Variants in PDE1C observed in about 807,000 individuals in gnomAD.
PDE1C encodes the protein phosphodiesterase 1C, also known as dual specificity calcium/calmodulin-dependent 3',5'-cyclic nucleotide phosphodiesterase 1C.
Under a neutral mutation model 93.1 loss-of-function variants are expected in PDE1C, and 62 were observed. That is an observed-to-expected ratio of 0.67 (90% CI 0.54 to 0.82). The LOEUF (loss-of-function observed/expected upper bound fraction) is 0.82. Ranked by LOEUF, PDE1C falls within the 40% of genes least tolerant of loss-of-function variation. The pLI is 0.00. For synonymous variants in PDE1C, 325 were observed against 310.1 expected (o/e 1.05, Z -0.50); for missense variants, 742 against 884.6 (o/e 0.84, Z 2.04).
chr7:32,313,146 T>C (rs1221576789), intron 1 of PDE1C, among the ~76,000 whole-genome samples: 1 of 151,956 alleles, frequency 6.6e-6, no homozygotes, highest in African/African-American at 2.4e-5. Context: ...AAAAAACACA[T>C]GAAAAAATGC....
At chr7:31,682,306 T>C in the PDE1C span, among the ~76,000 whole-genome samples, 1 of 151,980 alleles carries the variant, frequency 6.6e-6, no homozygotes, top group African/African-American at 2.4e-5. Flanking sequence ...TTATAGAAAA[T>C]GGGCAAATGG....
At chr7:31,841,881 A>T (rs566312178) in intron 9 of PDE1C, among the ~76,000 whole-genome samples, 1 of 152,266 alleles carries the variant, frequency 6.6e-6, no homozygotes, top group South Asian at 2.1e-4. Context: ...GAAGGCTGAC[A>T]GCTCAAGACC....
intron 1 of PDE1C, among the ~76,000 whole-genome samples, chr7:32,334,190 C>T (rs887754139): frequency 2.0e-5 from 3 of 152,086 alleles, no homozygotes; most frequent in African/African-American, 7.2e-5. Flanking sequence ...TCACCATTGA[C>T]AATACATAAT....
the PDE1C span, chr7:31,652,128 T>C: frequency 6.7e-5 from 71 of 1,052,816 alleles, no homozygotes; most frequent in East Asian, 3.4e-4. Flanking sequence ...AACTTGATTG[T>C]GCAATCATTT....
At chr7:31,653,277 G>A in the PDE1C span, 500 of 166,836 alleles carry the variant, frequency 3.0e-3, 2 homozygotes, top group Middle Eastern at 0.02. Context: ...GGGGAAAGAG[G>A]TGTGGGTACA....
At chr7:32,156,484 GT>G (rs1485869342) in intron 3 of PDE1C, among the ~76,000 whole-genome samples, 1 of 152,190 alleles carries the variant, frequency 6.6e-6, no homozygotes, top group Admixed American at 6.5e-5. Flanking sequence ...CTAAGTCGAA[GT>G]TCATTTCTAC....
At chr7:32,020,893 A>T (rs369147484) in intron 2 of PDE1C, among the ~76,000 whole-genome samples, 1 of 152,156 alleles carries the variant, frequency 6.6e-6, no homozygotes, top group African/African-American at 2.4e-5. Flanking sequence ...CTAGACCCTC[A>T]GTCTGGTAAC....
chr7:31,746,476 A>G (rs901186242), downstream of PDE1C, among the ~76,000 whole-genome samples: 5 of 152,214 alleles, frequency 3.3e-5, no homozygotes, highest in Non-Finnish European at 5.9e-5. Flanking sequence ...GTGCAGGTAC[A>G]GGACTGAGAG....
At chr7:32,229,207 C>T (rs1277114116) in intron 1 of PDE1C, among the ~76,000 whole-genome samples, 1 of 152,210 alleles carries the variant, frequency 6.6e-6, no homozygotes, top group Non-Finnish European at 1.5e-5. Context: ...CTCACCACGA[C>T]CCTGTGAGGT....
chr7:31,960,010 C>T (rs186313614), intron 2 of PDE1C, among the ~76,000 whole-genome samples: 32 of 147,558 alleles, frequency 2.2e-4, no homozygotes, highest in African/African-American at 7.7e-4. Flanking sequence ...GGATTACAAG[C>T]GCCCACCATC....
intron 2 of PDE1C, among the ~76,000 whole-genome samples, chr7:32,049,348 A>G (rs181374126): frequency 1.9e-4 from 29 of 152,232 alleles, no homozygotes; most frequent in African/African-American, 6.3e-4. Flanking sequence ...AAATTATAAT[A>G]CCACTCCCTT....
intron 1 of PDE1C, among the ~76,000 whole-genome samples, chr7:32,231,668 G>A (rs1471292122): frequency 2.0e-5 from 3 of 152,050 alleles, no homozygotes; most frequent in Non-Finnish European, 4.4e-5. Context: ...ACACTGAAAA[G>A]GACAACACAT....
chr7:31,652,779 C>T, the PDE1C span: 4 of 1,613,694 alleles, frequency 2.5e-6, no homozygotes, highest in Non-Finnish European at 3.4e-6. Context: ...AGGTCCAACC[C>T]CTTTGTCAAA....
intron 3 of PDE1C, among the ~76,000 whole-genome samples, chr7:32,092,164 T>TGAGAGAGAGAGAGA (rs3078655): frequency 6.7e-6 from 1 of 148,934 alleles, no homozygotes; most frequent in Non-Finnish European, 1.5e-5. Context: ...CTTTTGTTCA[T>TGAGAGAGAGAGAGA]GAGAGAGAGA....
chr7:32,241,899 A>G (rs567403782), intron 1 of PDE1C, among the ~76,000 whole-genome samples: 1 of 152,132 alleles, frequency 6.6e-6, no homozygotes, highest in Admixed American at 6.5e-5. Context: ...AGATGCAGGG[A>G]GGGTGGGAGA....
chr7:32,319,013 C>T (rs1226454550), intron 1 of PDE1C, among the ~76,000 whole-genome samples: 1 of 152,212 alleles, frequency 6.6e-6, no homozygotes, highest in Non-Finnish European at 1.5e-5. Context: ...TTGTCACGTC[C>T]GTGCTCCCTT....
Position 32,153,677 on chromosome 7 carries a change from G to A in PDE1C, c.308+16108C>T, listed in dbSNP as rs532201488. On this transcript the variant is annotated intron_variant, in intron 3 of 18. Coordinates refer to the PDE1C transcript ENST00000396193. Reference sequence around the variant, plus strand: ...GAAATAGAATGTCAATCAGAAATCTGAACAGGATAGAGCCCACGTAGTGTA... The same window carrying A: ...GAAATAGAATGTCAATCAGAAATCTAAACAGGATAGAGCCCACGTAGTGTA... Among the ~76,000 whole-genome samples the A allele has an allele frequency of 8.7e-4, 133 of 152,324 alleles. 1 individual carries two copies. The highest frequency in any genetic ancestry group is 3.1e-3 in the African/African-American group (127 of 41,582).
intron 1 of PDE1C, among the ~76,000 whole-genome samples, chr7:32,421,454 G>A (rs1785431198): frequency 6.6e-6 from 1 of 152,236 alleles, no homozygotes; most frequent in Non-Finnish European, 1.5e-5. Flanking sequence ...TGACTAGCAA[G>A]TCCCAAGGCA....
intron 2 of PDE1C, among the ~76,000 whole-genome samples, chr7:31,913,912 A>G (rs887466222): frequency 6.6e-6 from 1 of 152,146 alleles, no homozygotes; most frequent in Non-Finnish European, 1.5e-5. Flanking sequence ...ATCTCCCTTC[A>G]GCTTGCTACC....
Sources: gnomAD v4.1 joint callset for allele counts (sites outside exome capture counted in the v4.1 genomes callset) on GRCh38, gnomAD v4.1.1 for gene constraint, MANE v1.5 for transcripts, NCBI Gene and HGNC (gene_info 2026-07-23, HGNC 2026-07-21) for gene names.